RBFOX1: variants seen among roughly 807,000 people sequenced by gnomAD.
RBFOX1 encodes the protein RNA binding protein fox-1 homolog 1.
In RBFOX1, 8 loss-of-function variants were observed where a neutral mutation model predicts 57.7. The observed-to-expected ratio is 0.14, with a 90% CI of 0.08 to 0.25. The LOEUF (loss-of-function observed/expected upper bound fraction) is 0.25. Ranked by LOEUF, RBFOX1 falls within the 10% of genes least tolerant of loss-of-function variation. The pLI, the probability that RBFOX1 is intolerant of heterozygous loss-of-function variation, is 1.00. For missense variants in RBFOX1, 611 were observed against 548.5 expected (o/e 1.11, Z -1.14); for synonymous variants, 326 against 222.4 (o/e 1.47, Z -4.15).
At chr16:6,994,615 G>C (rs992575155) in intron 3 of RBFOX1, among the ~76,000 whole-genome samples, 3 of 152,290 alleles carry the variant, frequency 2.0e-5, no homozygotes, top group South Asian at 4.1e-4. Flanking sequence ...GTATCTGCTA[G>C]TGTTTTGATT....
intron 2 of RBFOX1, among the ~76,000 whole-genome samples, chr16:6,387,910 A>G (rs2092384353): frequency 6.6e-6 from 1 of 150,868 alleles, no homozygotes; most frequent in African/African-American, 2.4e-5. Flanking sequence ...TACCCCAGTC[A>G]CTATGACTGT....
In RBFOX1 at chr16:7,579,276, A is replaced by G. The variant is rs997788339; in HGVS notation, c.271-501A>G. On this transcript the variant is annotated intron_variant, in intron 5 of 15. Transcript: ENST00000550418. ...CTTTTCACATTTTTTACATTTAATT[A>G]TGTTTTATCTGCACAATTACCTGAA... Among the ~76,000 whole-genome samples, 4 of 152,284 alleles carry G rather than the reference A, an allele frequency of 2.6e-5. No homozygotes were observed. In the East Asian group the frequency reaches 7.7e-4, roughly 29 times the overall value.
intron 4 of RBFOX1, among the ~76,000 whole-genome samples, chr16:7,298,732 GA>G (rs1441519049): frequency 6.6e-6 from 1 of 152,184 alleles, no homozygotes; most frequent in Non-Finnish European, 1.5e-5. Context: ...CTAGGGTAAA[GA>G]AAATATTAAG....
chr16:7,027,350 C>G (rs370748830), intron 3 of RBFOX1, among the ~76,000 whole-genome samples: 12 of 152,260 alleles, frequency 7.9e-5, no homozygotes, highest in African/African-American at 2.9e-4. Context: ...GTGCCAGGAA[C>G]TGCTTAAAGT....
intron 3 of RBFOX1, among the ~76,000 whole-genome samples, chr16:5,859,228 C>T (rs536915857): frequency 6.6e-6 from 1 of 152,126 alleles, no homozygotes; most frequent in Admixed American, 6.5e-5. Flanking sequence ...AAAACAAAAA[C>T]AACCCTGTAG....
At chr16:7,505,800 C>T (rs2073077547) in intron 4 of RBFOX1, among the ~76,000 whole-genome samples, 1 of 152,170 alleles carries the variant, frequency 6.6e-6, no homozygotes, top group African/African-American at 2.4e-5. Flanking sequence ...AGTAGCTTTG[C>T]TGGAATCTGT....
chr16:6,371,036 C>T (rs142251101), intron 2 of RBFOX1, among the ~76,000 whole-genome samples: 7 of 152,254 alleles, frequency 4.6e-5, no homozygotes, highest in Admixed American at 2.0e-4. Flanking sequence ...TAATAATGTC[C>T]TGTTTTTCCC....
intron 13 of RBFOX1, among the ~76,000 whole-genome samples, chr16:7,675,825 T>C (rs942532658): frequency 2.6e-5 from 4 of 152,188 alleles, no homozygotes; most frequent in African/African-American, 9.7e-5. Flanking sequence ...AATTAGAACC[T>C]GAATGGTCCT....
intron 3 of RBFOX1, among the ~76,000 whole-genome samples, chr16:6,844,153 C>G (rs2093637589): frequency 6.6e-6 from 1 of 152,020 alleles, no homozygotes; most frequent in Admixed American, 6.5e-5. Flanking sequence ...ATTACCCCTA[C>G]AGGCCAGTCC....
At chr16:7,359,409 T>C (rs1157586571) in intron 4 of RBFOX1, among the ~76,000 whole-genome samples, 1 of 150,274 alleles carries the variant, frequency 6.7e-6, no homozygotes, top group Non-Finnish European at 1.5e-5. Flanking sequence ...TGTGTGCACA[T>C]GTGAATGTGT....
chr16:6,371,924 C>T (rs9936984), intron 2 of RBFOX1, among the ~76,000 whole-genome samples: 97,732 of 152,126 alleles, frequency 0.64, 32,891 homozygotes, highest in African/African-American at 0.85. Flanking sequence ...GGCTGTGAGA[C>T]CCTTCAGAAG....
At chr16:6,955,409 G>C (rs80155244) in intron 3 of RBFOX1, among the ~76,000 whole-genome samples, 1,859 of 151,546 alleles carry the variant, frequency 0.012, 58 homozygotes, top group African/African-American at 0.043. Flanking sequence ...CTGTGTTCTG[G>C]ACTTACTGAT....
intron 3 of RBFOX1, among the ~76,000 whole-genome samples, chr16:7,040,091 G>C (rs1299407088): frequency 6.6e-6 from 1 of 151,840 alleles, no homozygotes; most frequent in Non-Finnish European, 1.5e-5. Flanking sequence ...CATGATCTCA[G>C]CTCACTGCAA....
intron 4 of RBFOX1, among the ~76,000 whole-genome samples, chr16:7,293,371 C>G (rs1256511990): frequency 6.6e-6 from 1 of 152,130 alleles, no homozygotes; most frequent in African/African-American, 2.4e-5. Context: ...TTGGAAGGTC[C>G]TAGAACCAAT....
intron 2 of RBFOX1, among the ~76,000 whole-genome samples, chr16:5,549,351 A>G (rs2045364677): frequency 6.6e-6 from 1 of 152,118 alleles, no homozygotes; most frequent in Admixed American, 6.5e-5. Context: ...TGGTAACTGG[A>G]TCTGCTTCTT....
At chr16:6,582,171 A>C (rs1037798582) in intron 2 of RBFOX1, among the ~76,000 whole-genome samples, 2 of 152,204 alleles carry the variant, frequency 1.3e-5, no homozygotes, top group Non-Finnish European at 2.9e-5. Flanking sequence ...AATATAAAAC[A>C]CAATTTTGTG....
At chr16:5,352,810 G>T (rs1360314448) in intron 1 of RBFOX1, among the ~76,000 whole-genome samples, 1 of 152,044 alleles carries the variant, frequency 6.6e-6, no homozygotes, top group Non-Finnish European at 1.5e-5. Context: ...AGGCATGGTG[G>T]CATGCACCTG....
chr16:5,243,138 C>G (rs1163855821), intron 1 of RBFOX1, among the ~76,000 whole-genome samples: 1 of 152,160 alleles, frequency 6.6e-6, no homozygotes, highest in Non-Finnish European at 1.5e-5. Flanking sequence ...GTGAATGATC[C>G]CAGGGTGTGT....
intron 2 of RBFOX1, among the ~76,000 whole-genome samples, chr16:6,642,811 C>A (rs1343799645): frequency 6.6e-6 from 1 of 152,024 alleles, no homozygotes; most frequent in Non-Finnish European, 1.5e-5. Flanking sequence ...CCCTTAGGCC[C>A]CCTGAAGATT....
Sources: allele counts gnomAD v4.1 joint callset (sites outside exome capture counted in the v4.1 genomes callset), GRCh38; gene constraint gnomAD v4.1.1; transcripts MANE v1.5; gene names NCBI Gene and HGNC (gene_info 2026-07-23, HGNC 2026-07-21).